BMERB1: variants seen among roughly 807,000 people sequenced by gnomAD.
BMERB1 encodes bMERB domain-containing protein 1.
A neutral mutation model predicts 23.6 loss-of-function variants in BMERB1; 12 were observed. The ratio of observed to expected loss-of-function variants is 0.51; its 90% CI spans 0.33 to 0.82. The LOEUF (loss-of-function observed/expected upper bound fraction) is 0.82, where lower values mean the gene tolerates loss of function less well. BMERB1 is among the 40% of genes least tolerant of loss of function. The probability of loss-of-function intolerance (pLI) is 0.03; values close to 1 mark genes in which losing one functional copy is unlikely to be tolerated. For synonymous variants in BMERB1, 122 were observed against 96.6 expected (o/e 1.26, Z -1.54); for missense variants, 247 against 255.4 (o/e 0.97, Z 0.22).
chr16:15,552,075 C>T (rs754604277), intron 2 of BMERB1, among the ~76,000 whole-genome samples: 17 of 152,112 alleles, frequency 1.1e-4, no homozygotes, highest in Non-Finnish European at 2.2e-4. Flanking sequence ...CACTTCACAG[C>T]TCGCTGGGCC....
chr16:15,529,575 A>T (rs978818133), intron 2 of BMERB1, among the ~76,000 whole-genome samples: 1 of 152,008 alleles, frequency 6.6e-6, no homozygotes, highest in Non-Finnish European at 1.5e-5. Flanking sequence ...CTAGATGCTG[A>T]CCTCCATGAG....
At chr16:15,576,351 A>G (rs2030860368) in intron 3 of BMERB1, among the ~76,000 whole-genome samples, 1 of 152,058 alleles carries the variant, frequency 6.6e-6, no homozygotes, top group African/African-American at 2.4e-5. Flanking sequence ...CTAGCCGAGC[A>G]TTGGCAATTT....
At chr16:15,584,415 G>A (rs1291994988) in intron 5 of BMERB1, among the ~76,000 whole-genome samples, 2 of 151,978 alleles carry the variant, frequency 1.3e-5, no homozygotes, top group Non-Finnish European at 2.9e-5. Context: ...AAAATTAGCC[G>A]GGCTTGGTGG....
chr16:15,553,567 T>C (rs1475401651), intron 2 of BMERB1, among the ~76,000 whole-genome samples: 3 of 152,260 alleles, frequency 2.0e-5, no homozygotes, highest in Non-Finnish European at 4.4e-5. Context: ...AATGCTGAAA[T>C]GAATGGACAT....
At chr16:15,534,422 T>C (rs1280450215) in intron 2 of BMERB1, among the ~76,000 whole-genome samples, 1 of 151,010 alleles carries the variant, frequency 6.6e-6, no homozygotes, top group African/African-American at 2.4e-5. Context: ...GGTGTGGAGG[T>C]ACATGCCTGT....
chr16:15,572,812 TAGG>T (rs1307208877), intron 3 of BMERB1, among the ~76,000 whole-genome samples: 1 of 152,112 alleles, frequency 6.6e-6, no homozygotes. Flanking sequence ...AGGGACCCAG[TAGG>T]AGATGATTGA....
chr16:15,543,489 C>T (rs1294264322), intron 2 of BMERB1, among the ~76,000 whole-genome samples: 3 of 152,128 alleles, frequency 2.0e-5, no homozygotes, highest in Non-Finnish European at 2.9e-5. Flanking sequence ...ACTGCTGCTG[C>T]TGATACCTGG....
rs117501537 is a variant in BMERB1 at position 15,507,917 on chromosome 16, C to A, written c.107-7388C>A. 7.6e-3 allele frequency among the ~76,000 whole-genome samples: 1,157 copies of A among 152,272 alleles called. 5 individuals are homozygous for A. The highest frequency in any genetic ancestry group is 0.014 in the Non-Finnish European group (921 of 68,012). ...CTTAAACAACCTCCCTAGATATTCACCTTGCCCACTGATGTCTGGGAATAA... is the reference window on the plus strand; with the variant it reads ...CTTAAACAACCTCCCTAGATATTCAACTTGCCCACTGATGTCTGGGAATAA... On this transcript the variant is annotated intron_variant, in intron 1 of 5. Coordinates refer to ENST00000300006, the MANE Select transcript of BMERB1 (RefSeq NM_033201.3).
At position 15,451,552 on chromosome 16, in the gene BMERB1, CTTTTTT is replaced by C. The variant is rs35544766; in HGVS notation, c.106+16812_106+16817del. ...ACATACTGGGTCACTCTTAGTATTT[CTTTTTT>C]TTTTTTTTTTTTTTTTTTGAGACAG... On this transcript the variant is annotated intron_variant, in intron 1 of 5. Coordinates refer to ENST00000300006, the MANE Select transcript of BMERB1 (RefSeq NM_033201.3). 7.6e-4 allele frequency among the ~76,000 whole-genome samples: 64 copies of C among 84,016 alleles called. 1 individual carries two copies. The highest frequency in any genetic ancestry group is 2.5e-3 in the African/African-American group (55 of 22,052). The allele number at this position is 84,016 out of a possible 152,430, so 55.1% of individuals were successfully genotyped here.
intron 1 of BMERB1, among the ~76,000 whole-genome samples, chr16:15,501,315 A>G (rs1300504446): frequency 2.1e-5 from 2 of 96,390 alleles, no homozygotes; most frequent in Admixed American, 1.5e-4. Context: ...TTTTTTTGAG[A>G]TGGAGTCCGT....
intron 1 of BMERB1, among the ~76,000 whole-genome samples, chr16:15,503,796 G>A (rs966936088): frequency 2.6e-5 from 4 of 152,140 alleles, no homozygotes; most frequent in African/African-American, 7.2e-5. Context: ...TAGTGATAGA[G>A]CCAGGGCTTG....
At chr16:15,557,425 A>G (rs2030294177) in intron 2 of BMERB1, among the ~76,000 whole-genome samples, 1 of 152,176 alleles carries the variant, frequency 6.6e-6, no homozygotes, top group Non-Finnish European at 1.5e-5. Context: ...CTTTGCATGA[A>G]CTATTCACAT....
At chr16:15,466,121 C>T (rs899765117) in intron 1 of BMERB1, among the ~76,000 whole-genome samples, 5 of 152,132 alleles carry the variant, frequency 3.3e-5, no homozygotes, top group Admixed American at 2.6e-4. Flanking sequence ...GCTAAGCAGA[C>T]AGTATGCACA....
At chr16:15,568,950 C>T (rs913813372) in intron 3 of BMERB1, among the ~76,000 whole-genome samples, 1 of 152,156 alleles carries the variant, frequency 6.6e-6, no homozygotes, top group Non-Finnish European at 1.5e-5. Flanking sequence ...GGCATGGTGG[C>T]TCACGCCTGT....
intron 3 of BMERB1, among the ~76,000 whole-genome samples, chr16:15,573,943 C>T (rs2150974407): frequency 7.1e-6 from 1 of 140,914 alleles, no homozygotes; most frequent in South Asian, 2.2e-4. Flanking sequence ...CCTTATAAAA[C>T]CATCAGATCT....
chr16:15,457,752 T>C (rs1216897588), intron 1 of BMERB1, among the ~76,000 whole-genome samples: 5 of 152,190 alleles, frequency 3.3e-5, no homozygotes, highest in African/African-American at 1.2e-4. Context: ...AAGAAATAGC[T>C]TGGACTTTGT....
chr16:15,530,382 T>G (rs2051955267), intron 2 of BMERB1, among the ~76,000 whole-genome samples: 1 of 152,172 alleles, frequency 6.6e-6, no homozygotes, highest in Non-Finnish European at 1.5e-5. Flanking sequence ...ACCCCTTAAT[T>G]TAATCACATC....
At chr16:15,533,395 CTTTTTTT>C (rs11379898) in intron 2 of BMERB1, among the ~76,000 whole-genome samples, 3 of 141,274 alleles carry the variant, frequency 2.1e-5, no homozygotes, top group Non-Finnish European at 1.6e-5. Context: ...TCGTTTCTTT[CTTTTTTT>C]TTTTTTTTCC....
intron 2 of BMERB1, among the ~76,000 whole-genome samples, chr16:15,560,843 A>C (rs1269147171): frequency 6.6e-6 from 1 of 151,904 alleles, no homozygotes; most frequent in Non-Finnish European, 1.5e-5. Flanking sequence ...TTTTACAAAG[A>C]AGAGTATAAG....
Sources: gnomAD v4.1 joint callset for allele counts (sites outside exome capture counted in the v4.1 genomes callset) on GRCh38, gnomAD v4.1.1 for gene constraint, MANE v1.5 for transcripts, NCBI Gene and HGNC (gene_info 2026-07-23, HGNC 2026-07-21) for gene names.